Variants in CPA6 observed in about 807,000 individuals in gnomAD.
CPA6 encodes the protein carboxypeptidase B.
A neutral mutation model predicts 63.3 loss-of-function variants in CPA6; 58 were observed. The ratio of observed to expected loss-of-function variants is 0.92; its 90% confidence interval spans 0.74 to 1.14. The LOEUF (loss-of-function observed/expected upper bound fraction) is 1.14, where lower values mean the gene tolerates loss of function less well. CPA6 is among the 50% of genes most tolerant of loss of function. The pLI is 0.00. For missense variants in CPA6, 565 were observed against 526.6 expected (o/e 1.07, Z -0.71); for synonymous variants, 185 against 179.0 (o/e 1.03, Z -0.27).
At chr8:67,602,730 G>A (rs552538881) in intron 2 of CPA6, among the ~76,000 whole-genome samples, 1 of 152,308 alleles carries the variant, frequency 6.6e-6, no homozygotes, top group African/African-American at 2.4e-5. Context: ...AATGAGGTCA[G>A]GTTAGCGCCT....
chr8:67,646,835 AG>A (rs1297021934), intron 1 of CPA6, among the ~76,000 whole-genome samples: 3 of 152,220 alleles, frequency 2.0e-5, no homozygotes, highest in Non-Finnish European at 2.9e-5. Flanking sequence ...GCCCTGTTTG[AG>A]GACAGGAAGA....
At chr8:67,610,848 T>C (rs117192188) in intron 2 of CPA6, among the ~76,000 whole-genome samples, 2,513 of 152,318 alleles carry the variant, frequency 0.016, 22 homozygotes, top group Non-Finnish European at 0.025. Flanking sequence ...ATTGGAAAAG[T>C]CTTCTGCAGA....
chr8:67,484,074 C>T (rs1409103368), intron 7 of CPA6, among the ~76,000 whole-genome samples: 8 of 146,542 alleles, frequency 5.5e-5, no homozygotes, highest in African/African-American at 2.0e-4. Context: ...TTTGCCTTCT[C>T]TTTTTTTTTT....
chr8:67,591,692 G>A (rs1379555678), intron 2 of CPA6, among the ~76,000 whole-genome samples: 6 of 152,118 alleles, frequency 3.9e-5, no homozygotes, highest in Admixed American at 1.3e-4. Flanking sequence ...CTGTTTGTCT[G>A]TTATTGGTGT....
At chr8:67,462,319 A>C (rs1186962388) in intron 8 of CPA6, among the ~76,000 whole-genome samples, 1 of 152,178 alleles carries the variant, frequency 6.6e-6, no homozygotes. Context: ...GTGATCCTGG[A>C]GATTTTCCAT....
At position 67,746,101 on chromosome 8, in the gene CPA6, T is replaced by C. The variant is rs201169482; in HGVS notation, c.29A>G (p.Gln10Arg). ...GCAAAGAGGCAGGAAAGCAGCTGCC[T>C]GGCCCCTGCGCTTCCCGAGACACTT... is the stretch of plus-strand genomic sequence containing the variant. MKCLGKRRG[Q>R]AAAFLPLCWL... Residue 10 changes from glutamine to arginine, a missense_variant, in exon 1 of 11, where the codon CAG (glutamine) becomes CGG (arginine). Coordinates refer to ENST00000297770, the MANE Select transcript of CPA6 (RefSeq NM_020361.5). 3.1e-6 allele frequency: 5 copies of C among 1,613,834 alleles called. No homozygotes were observed. In the African/African-American group the frequency reaches 4.0e-5, roughly 13 times the overall value.
At chr8:67,594,998 C>T (rs1253852254) in intron 2 of CPA6, among the ~76,000 whole-genome samples, 2 of 152,104 alleles carry the variant, frequency 1.3e-5, no homozygotes, top group Admixed American at 1.3e-4. Flanking sequence ...GTTTTTTCCC[C>T]ATCTTTGTGG....
chr8:67,548,574 A>AGATAACGACCAAAAAACAAAGG (rs1812873828), intron 2 of CPA6, among the ~76,000 whole-genome samples: 1 of 152,162 alleles, frequency 6.6e-6, no homozygotes, highest in Admixed American at 6.5e-5. Context: ...CTTATAAGAA[A>AGATAACGACCAAAAAACAAAGG]GATAACGACC....
chr8:67,479,638 A>C lies in CPA6; in HGVS notation c.838+4130T>G, dbSNP rs138935904. Among the ~76,000 whole-genome samples the C allele has an allele frequency of 5.9e-3, 899 of 152,304 alleles. 14 individuals are homozygous for C. Among genetic ancestry groups the C allele is most frequent in the East Asian group, 0.031 (158 of 5,178 alleles). ...TTTGCATACTTCACAGCAAAGTTTA[A>C]TTGCAATCCGCTATAGGCATTTTTG... On this transcript the variant is annotated intron_variant, in intron 8 of 10. Coordinates refer to ENST00000297770, the MANE Select transcript of CPA6 (RefSeq NM_020361.5).
chr8:67,480,506 T>G (rs1811334576), intron 8 of CPA6, among the ~76,000 whole-genome samples: 1 of 152,180 alleles, frequency 6.6e-6, no homozygotes, highest in South Asian at 2.1e-4. Context: ...AGTACTTCAT[T>G]CTTGTTATGC....
chr8:67,462,000 G>GTTT (rs1018151684), intron 8 of CPA6, among the ~76,000 whole-genome samples: 1 of 145,396 alleles, frequency 6.9e-6, no homozygotes, highest in Non-Finnish European at 1.5e-5. Context: ...AAATTTTTAG[G>GTTT]TTTTTTTTTT....
intron 3 of CPA6, among the ~76,000 whole-genome samples, chr8:67,515,447 T>C (rs1284729428): frequency 6.6e-6 from 1 of 152,214 alleles, no homozygotes; most frequent in African/African-American, 2.4e-5. Flanking sequence ...CATTTGACTC[T>C]TTAAAGGATA....
intron 2 of CPA6, among the ~76,000 whole-genome samples, chr8:67,578,758 C>G (rs1030244428): frequency 6.6e-6 from 1 of 152,168 alleles, no homozygotes. Context: ...AAACATGTTA[C>G]ATAATTAAAA....
At chr8:67,735,470 A>G (rs1262569925) in intron 1 of CPA6, 1 of 152,210 alleles carries the variant, frequency 6.6e-6, no homozygotes, top group Admixed American at 6.5e-5. Context: ...CTAAGAAGAC[A>G]CTAAGATGCT....
intron 8 of CPA6, among the ~76,000 whole-genome samples, chr8:67,465,995 T>A (rs1238656365): frequency 1.3e-5 from 2 of 152,000 alleles, no homozygotes; most frequent in Non-Finnish European, 2.9e-5. Context: ...GAATCCTACC[T>A]CCTTAATTTT....
At chr8:67,636,134 G>T (rs1432894281) in intron 1 of CPA6, among the ~76,000 whole-genome samples, 3 of 151,448 alleles carry the variant, frequency 2.0e-5, no homozygotes, top group Non-Finnish European at 4.4e-5. Flanking sequence ...TTTAAGGGAA[G>T]GATTATTTAA....
At chr8:67,598,553 A>G (rs1308781213) in intron 2 of CPA6, among the ~76,000 whole-genome samples, 1 of 152,194 alleles carries the variant, frequency 6.6e-6, no homozygotes, top group Non-Finnish European at 1.5e-5. Flanking sequence ...TTTAAGGGCA[A>G]CAAAATTTGC....
intron 6 of CPA6, among the ~76,000 whole-genome samples, chr8:67,502,842 A>G (rs1427630907): frequency 1.3e-5 from 2 of 152,280 alleles, no homozygotes; most frequent in South Asian, 2.1e-4. Flanking sequence ...TACAGAACAC[A>G]CCTTATGATT....
intron 2 of CPA6, among the ~76,000 whole-genome samples, chr8:67,604,083 G>A (rs1383554425): frequency 6.6e-6 from 1 of 152,174 alleles, no homozygotes; most frequent in African/African-American, 2.4e-5. Flanking sequence ...GTTGTGTGGG[G>A]TTAAGGTAAA....
Sources: gnomAD v4.1 joint callset for allele counts (sites outside exome capture counted in the v4.1 genomes callset) on GRCh38, gnomAD v4.1.1 for gene constraint, MANE v1.5 for transcripts, NCBI Gene and HGNC (gene_info 2026-07-23, HGNC 2026-07-21) for gene names.